BRINP3: variants seen among roughly 807,000 people sequenced by gnomAD.
The protein encoded by BRINP3 is BMP/retinoic acid inducible neural specific 3.
BRINP3 carries 19 observed loss-of-function variants against 71.0 expected under a neutral mutation model. That is an observed-to-expected ratio of 0.27 (90% CI 0.19 to 0.39). The LOEUF is 0.39. BRINP3 is among the 10% of genes least tolerant of loss of function. The probability of loss-of-function intolerance (pLI) is 1.00; values close to 1 mark genes in which losing one functional copy is unlikely to be tolerated. For synonymous variants in BRINP3, 380 were observed against 337.7 expected (o/e 1.13, Z -1.37); for missense variants, 959 against 940.8 (o/e 1.02, Z -0.25).
intron 6 of BRINP3, among the ~76,000 whole-genome samples, chr1:190,211,231 A>G (rs1655961705): frequency 6.6e-6 from 1 of 152,078 alleles, no homozygotes; most frequent in African/African-American, 2.4e-5. Flanking sequence ...GTGCCACTGC[A>G]CTCCATCCTG....
At chr1:190,339,146 C>T (rs1047654605) in intron 2 of BRINP3, among the ~76,000 whole-genome samples, 7 of 151,980 alleles carry the variant, frequency 4.6e-5, no homozygotes, top group Non-Finnish European at 8.8e-5. Flanking sequence ...GCCTTACCCT[C>T]TCTAGGACAG....
chr1:190,234,163 T>A (rs1380464424), intron 5 of BRINP3, among the ~76,000 whole-genome samples: 2 of 152,142 alleles, frequency 1.3e-5, no homozygotes, highest in South Asian at 2.1e-4. Flanking sequence ...TTAGTTAATT[T>A]GAGAAGAAAA....
intron 2 of BRINP3, among the ~76,000 whole-genome samples, chr1:190,289,535 T>G (rs1187829382): frequency 2.0e-5 from 3 of 151,940 alleles, no homozygotes; most frequent in Non-Finnish European, 4.4e-5. Flanking sequence ...TTCCCCAAAT[T>G]ATAACCTTTC....
intron 6 of BRINP3, among the ~76,000 whole-genome samples, chr1:190,201,716 A>G (rs1370475160): frequency 6.6e-6 from 1 of 152,096 alleles, no homozygotes; most frequent in Non-Finnish European, 1.5e-5. Context: ...ATAGACCAAC[A>G]TAGAATTCGG....
At chr1:190,233,184 T>A (rs1192425907) in intron 5 of BRINP3, among the ~76,000 whole-genome samples, 1 of 152,084 alleles carries the variant, frequency 6.6e-6, no homozygotes, top group Non-Finnish European at 1.5e-5. Flanking sequence ...TGATGTGCAG[T>A]GTCGCATGGA....
At chr1:190,295,534 C>T (rs1300818528) in intron 2 of BRINP3, among the ~76,000 whole-genome samples, 1 of 152,128 alleles carries the variant, frequency 6.6e-6, no homozygotes, top group Non-Finnish European at 1.5e-5. Flanking sequence ...AGCCTGCTTG[C>T]CACTGAAATT....
intron 2 of BRINP3, among the ~76,000 whole-genome samples, chr1:190,367,124 T>C (rs770807303): frequency 6.6e-6 from 1 of 152,200 alleles, no homozygotes; most frequent in Non-Finnish European, 1.5e-5. Flanking sequence ...TTTCTCTTTT[T>C]CATTGCCCTG....
chr1:190,360,321 G>T (rs950204250), intron 2 of BRINP3, among the ~76,000 whole-genome samples: 14 of 152,120 alleles, frequency 9.2e-5, no homozygotes, highest in African/African-American at 3.1e-4. Flanking sequence ...AGGGGATATT[G>T]TTAATAATTT....
intron 6 of BRINP3, among the ~76,000 whole-genome samples, chr1:190,175,225 A>G (rs1652398966): frequency 6.6e-6 from 1 of 152,190 alleles, no homozygotes; most frequent in Non-Finnish European, 1.5e-5. Context: ...CAAATTGCAA[A>G]GCGAGTGAAA....
Position 190,454,799 on chromosome 1 carries a change from G to C in BRINP3, c.92C>G (p.Ala31Gly). The C allele has an allele frequency of 6.2e-7, 1 of 1,614,106 alleles. No individual in the cohort carries two copies. ...IALSLHCWVL[A>G]VAAVSDQHAT... ...ATGCTGATCCGAAACAGCAGCAACCGCTAAAACCCAGCAATGAAGACTCAG... is the reference window on the plus strand; with the variant it reads ...ATGCTGATCCGAAACAGCAGCAACCCCTAAAACCCAGCAATGAAGACTCAG... The change falls in exon 2 of 8, where the codon GCG becomes GGG. Residue 31 changes from alanine to glycine, a missense_variant. By Grantham distance (60) the Ala-to-Gly change is moderately conservative. Transcript: ENST00000367462.
chr1:190,314,978 G>T (rs1665785586), intron 2 of BRINP3, among the ~76,000 whole-genome samples: 2 of 152,100 alleles, frequency 1.3e-5, no homozygotes, highest in Admixed American at 6.6e-5. Context: ...GGCTAAAATA[G>T]AAGTTAAAAT....
intron 2 of BRINP3, among the ~76,000 whole-genome samples, chr1:190,365,033 G>C: frequency 6.6e-6 from 1 of 152,148 alleles, no homozygotes; most frequent in East Asian, 1.9e-4. Context: ...GATGACATGG[G>C]AGGGCAGGTT....
chr1:190,394,729 A>G (rs1173727169), intron 2 of BRINP3, among the ~76,000 whole-genome samples: 1 of 151,736 alleles, frequency 6.6e-6, no homozygotes, highest in Non-Finnish European at 1.5e-5. Context: ...GTTAATGCTT[A>G]CCATTTCTAT....
chr1:190,476,719 T>A (rs1677527401), intron 1 of BRINP3, among the ~76,000 whole-genome samples: 1 of 152,170 alleles, frequency 6.6e-6, no homozygotes. Flanking sequence ...TGATTGCTCC[T>A]CTCTGAAATG....
At chr1:190,134,612 T>A (rs955820968) in intron 7 of BRINP3, among the ~76,000 whole-genome samples, 1 of 152,056 alleles carries the variant, frequency 6.6e-6, no homozygotes, top group Admixed American at 6.6e-5. Flanking sequence ...TGAAAGATTC[T>A]AAAGAGTCTC....
chr1:190,447,727 T>C (rs994050988), intron 2 of BRINP3, among the ~76,000 whole-genome samples: 2 of 151,088 alleles, frequency 1.3e-5, no homozygotes, highest in Non-Finnish European at 3.0e-5. Context: ...TTTTAAAAAT[T>C]AGTGTTAAGG....
intron 2 of BRINP3, among the ~76,000 whole-genome samples, chr1:190,432,248 C>T (rs944635412): frequency 4.6e-5 from 7 of 152,148 alleles, no homozygotes; most frequent in Admixed American, 1.3e-4. Flanking sequence ...GCATCTTCAA[C>T]ACAACAGTGC....
intron 2 of BRINP3, among the ~76,000 whole-genome samples, chr1:190,429,864 G>A (rs1572026355): frequency 6.6e-6 from 1 of 152,076 alleles, no homozygotes; most frequent in East Asian, 1.9e-4. Context: ...AAAGTGCTGG[G>A]ATTACAAATG....
At chr1:190,363,979 A>G (rs1397822670) in intron 2 of BRINP3, among the ~76,000 whole-genome samples, 1 of 152,148 alleles carries the variant, frequency 6.6e-6, no homozygotes, top group East Asian at 1.9e-4. Context: ...TGGAGTATCT[A>G]TAGAACAAAA....
Sources: gnomAD v4.1 joint callset for allele counts (sites outside exome capture counted in the v4.1 genomes callset) on GRCh38, gnomAD v4.1.1 for gene constraint, MANE v1.5 for transcripts, NCBI Gene and HGNC (gene_info 2026-07-23, HGNC 2026-07-21) for gene names.